MAP2K6: variants seen among roughly 807,000 people sequenced by gnomAD.
MAP2K6 encodes mitogen-activated protein kinase kinase 6.
Under a neutral mutation model 53.7 loss-of-function variants are expected in MAP2K6, and 16 were observed. The ratio of observed to expected loss-of-function variants is 0.30; its 90% confidence interval spans 0.20 to 0.45. The LOEUF (loss-of-function observed/expected upper bound fraction) is 0.45, where lower values mean the gene tolerates loss of function less well. Ranked by LOEUF, MAP2K6 falls within the 20% of genes least tolerant of loss-of-function variation. The pLI is 1.00. For synonymous variants in MAP2K6, 132 were observed against 143.1 expected (o/e 0.92, Z 0.55); for missense variants, 204 against 411.9 (o/e 0.50, Z 4.37).
intron 1 of MAP2K6, among the ~76,000 whole-genome samples, chr17:69,463,838 T>C (rs1907711123): frequency 6.6e-6 from 1 of 151,686 alleles, no homozygotes. Context: ...GCCAACATGA[T>C]GAAACCCCAT....
chr17:69,435,404 A>G (rs1432678168), intron 1 of MAP2K6: 1 of 151,912 alleles, frequency 6.6e-6, no homozygotes, highest in East Asian at 2.0e-4. Context: ...GTGTGGTGGC[A>G]CATGCCTGTA....
At chr17:69,483,572 T>C (rs891010245) in intron 1 of MAP2K6, among the ~76,000 whole-genome samples, 2 of 152,070 alleles carry the variant, frequency 1.3e-5, no homozygotes, top group African/African-American at 4.8e-5. Context: ...GAATTTCAGC[T>C]GACTTCTTTG....
Position 69,545,612 on chromosome 17 carries a change from GC to G in MAP2K6, c.*3863del. ...GTTGTCTTGGTACTTTTTTCATGGT[GC>G]CCCAGGTCAAAATATATACTTAATA... On this transcript the variant is annotated 3_prime_UTR_variant, in exon 12 of 12. Coordinates refer to ENST00000590474, the MANE Select transcript of MAP2K6 (RefSeq NM_002758.4). 6.6e-6 allele frequency: 1 copy of G among 152,110 alleles called. No homozygotes were observed. Among genetic ancestry groups the G allele is most frequent in the South Asian group, 2.1e-4 (1 of 4,824 alleles). The allele number at this position is 152,110 out of a possible 1,614,324, so 9.4% of individuals were successfully genotyped here.
At position 69,468,535 on chromosome 17, in the gene MAP2K6, A is replaced by C. The variant is rs370251157; in HGVS notation, c.17-37245A>C. Among the ~76,000 whole-genome samples the C allele has an allele frequency of 3.3e-5, 5 of 152,364 alleles. No homozygotes were observed. The East Asian group carries it at 9.6e-4, about 29-fold the overall frequency. ...TTTATAAACTGTTGCAAAGGAAACAAACCAGGATTTGAGGTGGAGGATGAA... is the reference window on the plus strand; with the variant it reads ...TTTATAAACTGTTGCAAAGGAAACACACCAGGATTTGAGGTGGAGGATGAA... On this transcript the variant is annotated intron_variant, in intron 1 of 11. Transcript: ENST00000590474.
At chr17:69,519,475 TAAA>T (rs762673548) in intron 5 of MAP2K6, 43 bp downstream of exon 5, 1,419 of 1,610,030 alleles carry the variant, frequency 8.8e-4, no homozygotes, top group Non-Finnish European at 1.1e-3. Context: ...AACAATAACT[TAAA>T]AAGAAGTTTC....
At position 69,494,089 on chromosome 17, in the gene MAP2K6, C is replaced by T. The variant is rs739559; in HGVS notation, c.17-11691C>T. On this transcript the variant is annotated intron_variant, in intron 1 of 11. Coordinates refer to ENST00000590474, the MANE Select transcript of MAP2K6 (RefSeq NM_002758.4). The surrounding 1 kb of genome is among the most constrained non-coding windows in gnomAD (Gnocchi z 4.2). Reference sequence around the variant, plus strand: ...AACAGAGGGATGTGTGAGTCAATAACAAGGGATAAGAGCAGCAGAATCCAG... The same window carrying T: ...AACAGAGGGATGTGTGAGTCAATAATAAGGGATAAGAGCAGCAGAATCCAG... 0.64 allele frequency among the ~76,000 whole-genome samples: 97,391 copies of T among 152,064 alleles called. 31,407 individuals carry two copies. Among genetic ancestry groups the T allele is most frequent in the Middle Eastern group, 0.75 (218 of 292 alleles).
In MAP2K6 at chr17:69,541,801, C is replaced by T. The variant is rs779479583; in HGVS notation, c.*48C>T. 1.5e-5 allele frequency: 21 copies of T among 1,426,608 alleles called. No homozygotes were observed. The Admixed American group carries it at 1.7e-4, about 12-fold the overall frequency. The allele number at this position is 1,426,608 out of a possible 1,614,324, so 88.4% of individuals were successfully genotyped here. A position where few individuals can be genotyped will look rare whatever the true frequency, so the allele number is the denominator to read the frequency against. ...GACCCTACTGTGGATTGGTGGGTTT[C>T]GGGGTGAAGCAAGTTCACTACAGCA... On this transcript the variant is annotated 3_prime_UTR_variant, in exon 12 of 12. Transcript: ENST00000590474.
chr17:69,474,290 T>C (rs1250185262), intron 1 of MAP2K6, among the ~76,000 whole-genome samples: 5 of 152,220 alleles, frequency 3.3e-5, no homozygotes, highest in African/African-American at 9.7e-5. Context: ...TATAAAGTAC[T>C]GATTGATGAG....
intron 1 of MAP2K6, among the ~76,000 whole-genome samples, chr17:69,467,429 T>TC (rs1907850278): frequency 6.6e-6 from 1 of 152,190 alleles, no homozygotes; most frequent in Admixed American, 6.5e-5. Context: ...CCAGGAAGGC[T>TC]TGAGATAATC....
intron 1 of MAP2K6, among the ~76,000 whole-genome samples, chr17:69,428,456 T>C (rs1906342211): frequency 6.6e-6 from 1 of 152,214 alleles, no homozygotes; most frequent in South Asian, 2.1e-4. Flanking sequence ...AGGAAGCCAG[T>C]CATATTAAAG....
At chr17:69,473,786 A>C (rs992043404) in intron 1 of MAP2K6, among the ~76,000 whole-genome samples, 9 of 152,212 alleles carry the variant, frequency 5.9e-5, no homozygotes, top group African/African-American at 9.6e-5. Context: ...AAATGTGTTC[A>C]GGGTTCAATA....
Position 69,545,328 on chromosome 17 carries a change from A to G in MAP2K6, c.*3575A>G, listed in dbSNP as rs1256337235. 6.6e-6 allele frequency: 1 copy of G among 152,202 alleles called. No homozygotes were observed. Among genetic ancestry groups the G allele is most frequent in the Non-Finnish European group, 1.5e-5 (1 of 68,046 alleles). The allele number at this position is 152,202 out of a possible 1,614,324, so 9.4% of individuals were successfully genotyped here. On this transcript the variant is annotated 3_prime_UTR_variant, in exon 12 of 12. Coordinates refer to ENST00000590474, the MANE Select transcript of MAP2K6 (RefSeq NM_002758.4). The stretch of plus-strand genomic sequence containing the variant: ...CGGATTTTGCAAGTGAAAGTCACCT[A>G]TCTTCTATGATTGAAGGTCCTGATG...
intron 5 of MAP2K6, 94 bp from the exon 6 acceptor site, chr17:69,520,176 A>G: frequency 1.5e-6 from 1 of 670,302 alleles, no homozygotes; most frequent in Non-Finnish European, 2.6e-6. Context: ...AGAAATAGTT[A>G]ATTCTTCAGG....
chr17:69,455,279 A>G (rs963835654), intron 1 of MAP2K6, among the ~76,000 whole-genome samples: 11 of 152,142 alleles, frequency 7.2e-5, no homozygotes, highest in Non-Finnish European at 7.4e-5. Context: ...TTATGAAGAT[A>G]ACTGGATTTA....
chr17:69,443,747 T>C (rs16973997), intron 1 of MAP2K6, among the ~76,000 whole-genome samples: 2,347 of 152,206 alleles, frequency 0.015, 60 homozygotes, highest in African/African-American at 0.053. Flanking sequence ...CAGTAGAGAT[T>C]CCGATAATGC....
rs1910817119 is a variant in MAP2K6, at chr17:69,527,135, T to C, written c.881+426T>C. Among the ~76,000 whole-genome samples, 3 of 152,208 alleles carry C rather than the reference T, an allele frequency of 2.0e-5. No individual in the cohort carries two copies. The South Asian group carries it at 6.2e-4, about 31-fold the overall frequency. ...CAATGTCACGAAAGCAAGAAACTCCTTTATGTGAGCTTTAAGCAATTTGAT... is the reference window on the plus strand; with the variant it reads ...CAATGTCACGAAAGCAAGAAACTCCCTTATGTGAGCTTTAAGCAATTTGAT... On this transcript the variant is annotated intron_variant, in intron 10 of 11. Coordinates refer to ENST00000590474, the MANE Select transcript of MAP2K6 (RefSeq NM_002758.4).
chr17:69,439,761 TA>T (rs1233751064), intron 1 of MAP2K6, among the ~76,000 whole-genome samples: 2 of 152,190 alleles, frequency 1.3e-5, no homozygotes, highest in African/African-American at 4.8e-5. Context: ...CTTTTGGTAT[TA>T]AGTTTGCCTC....
chr17:69,525,484 A>G (rs1285440908), intron 9 of MAP2K6, among the ~76,000 whole-genome samples: 2 of 152,178 alleles, frequency 1.3e-5, no homozygotes, highest in Non-Finnish European at 2.9e-5. Flanking sequence ...CTGCTGATAA[A>G]AGCATCCCCA....
intron 10 of MAP2K6, among the ~76,000 whole-genome samples, chr17:69,534,176 C>G (rs1911236477): frequency 6.6e-6 from 1 of 152,138 alleles, no homozygotes; most frequent in Non-Finnish European, 1.5e-5. Flanking sequence ...CATATATCCC[C>G]TGGGGAGCAA....
Sources: allele counts gnomAD v4.1 joint callset (sites outside exome capture counted in the v4.1 genomes callset), GRCh38; gene constraint gnomAD v4.1.1; non-coding constraint Gnocchi (gnomAD v3.1); transcripts MANE v1.5; gene names NCBI Gene and HGNC (gene_info 2026-07-23, HGNC 2026-07-21).